Variants in XKR6 observed in about 807,000 individuals in gnomAD.
The protein encoded by XKR6 is XK-related protein 6.
XKR6 carries 22 observed loss-of-function variants against 56.7 expected under a neutral mutation model. The ratio of observed to expected loss-of-function variants is 0.39; its 90% CI spans 0.28 to 0.55. The LOEUF is 0.55. Ranked by LOEUF, XKR6 falls within the 20% of genes least tolerant of loss-of-function variation. The pLI, the probability that XKR6 is intolerant of heterozygous loss-of-function variation, is 0.66. For missense variants in XKR6, 852 were observed against 889.0 expected, an observed-to-expected ratio of 0.96 and a Z score of 0.53; for synonymous variants, 524 against 387.8, an observed-to-expected ratio of 1.35 and a Z score of -4.13.
chr8:11,072,090 G>A (rs1032503346), intron 1 of XKR6, among the ~76,000 whole-genome samples: 15 of 152,218 alleles, frequency 9.9e-5, no homozygotes, highest in African/African-American at 2.7e-4. Flanking sequence ...TGTGGTGACC[G>A]CATCTCTAGC....
intron 1 of XKR6, among the ~76,000 whole-genome samples, chr8:11,167,407 C>T (rs1802133631): frequency 6.6e-6 from 1 of 152,174 alleles, no homozygotes; most frequent in African/African-American, 2.4e-5. Flanking sequence ...GACTCCATTC[C>T]AACCTGTCAG....
chr8:11,113,845 A>C (rs775308387), intron 1 of XKR6: 6 of 176,784 alleles, frequency 3.4e-5, no homozygotes, highest in Non-Finnish European at 6.1e-5. Context: ...TAATTTAGGT[A>C]CGATATGTCA....
In XKR6 at chr8:10,954,866, C is replaced by CTTTTTTTTTTTTTTTTTTTTTTTTTTT. The variant is rs34248780; in HGVS notation, c.765-30037_765-30036insAAAAAAAAAAAAAAAAAAAAAAAAAAA. 1.4e-4 allele frequency among the ~76,000 whole-genome samples: 13 copies of CTTTTTTTTTTTTTTTTTTTTTTTTTTT among 92,792 alleles called. 2 individuals are homozygous for CTTTTTTTTTTTTTTTTTTTTTTTTTTT. The highest frequency in any genetic ancestry group is 3.3e-4 in the Admixed American group (3 of 9,182). 60.9% of individuals were successfully genotyped at this position (92,792 alleles called of 152,430 possible). Reference sequence around the variant, plus strand: ...TAAGGTAAGGGTCTAACTTCATTCTCTTTTTTTTTTTTTTTTTTTTAGACA... The same window carrying CTTTTTTTTTTTTTTTTTTTTTTTTTTT: ...TAAGGTAAGGGTCTAACTTCATTCTCTTTTTTTTTTTTTTTTTTTTTTTTTTTTTTTTTTTTTTTTTTTTTTTAGACA... On this transcript the variant is annotated intron_variant, in intron 1 of 2. Coordinates refer to ENST00000416569, the MANE Select transcript of XKR6 (RefSeq NM_173683.4).
intron 2 of XKR6, among the ~76,000 whole-genome samples, chr8:10,921,948 G>A (rs1800735542): frequency 6.6e-6 from 1 of 152,208 alleles, no homozygotes; most frequent in Non-Finnish European, 1.5e-5. Flanking sequence ...CAGGCCATAA[G>A]GACTCCTCTC....
intron 1 of XKR6, among the ~76,000 whole-genome samples, chr8:10,990,813 G>C (rs1372254370): frequency 5.9e-5 from 9 of 151,448 alleles, no homozygotes; most frequent in African/African-American, 1.5e-4. Flanking sequence ...GAACTTCTGG[G>C]CTCAAGCGAT....
intron 1 of XKR6, among the ~76,000 whole-genome samples, chr8:11,171,816 G>T (rs959459018): frequency 6.6e-6 from 1 of 151,728 alleles, no homozygotes; most frequent in Admixed American, 6.6e-5. Flanking sequence ...ACTTTGGGAG[G>T]CTGAGGTGGG....
intron 1 of XKR6, among the ~76,000 whole-genome samples, chr8:11,074,984 C>G (rs527874448): frequency 3.3e-5 from 5 of 152,170 alleles, no homozygotes; most frequent in African/African-American, 1.2e-4. Context: ...CAGACCAGGA[C>G]GCAGAGCAGA....
chr8:10,945,470 T>G (rs1455471647), intron 1 of XKR6, among the ~76,000 whole-genome samples: 1 of 152,110 alleles, frequency 6.6e-6, no homozygotes, highest in Non-Finnish European at 1.5e-5. Flanking sequence ...GACAACACAG[T>G]GAGACTCCAT....
intron 1 of XKR6, among the ~76,000 whole-genome samples, chr8:11,067,368 C>T (rs954861208): frequency 7.9e-5 from 12 of 152,170 alleles, no homozygotes; most frequent in Non-Finnish European, 1.8e-4. Flanking sequence ...GAGCCCCCCA[C>T]CCGGGTGATC....
chr8:11,190,492 TG>T (rs1803518890), intron 1 of XKR6, among the ~76,000 whole-genome samples: 1 of 151,814 alleles, frequency 6.6e-6, no homozygotes, highest in Non-Finnish European at 1.5e-5. Flanking sequence ...GAGAATGGAG[TG>T]AGGTACTGAA....
chr8:11,086,133 A>AAAAT lies in XKR6; in HGVS notation c.764+114442_764+114443insATTT, dbSNP rs1554454121. ...CTCAATTGTGTTTTTTTAAAAAGAA[A>AAAAT]ATATATATATATATATTTTTTTTTA... On this transcript the variant is annotated intron_variant, in intron 1 of 2. Coordinates refer to ENST00000416569, the MANE Select transcript of XKR6 (RefSeq NM_173683.4). Among the ~76,000 whole-genome samples the AAAAT allele has an allele frequency of 2.6e-4, 23 of 90,104 alleles. No individual in the cohort carries two copies. In the South Asian group the frequency reaches 5.8e-3, roughly 23 times the overall value. 59.1% of individuals were successfully genotyped at this position (90,104 alleles called of 152,430 possible). A position where few individuals can be genotyped will look rare whatever the true frequency, so the allele number is the denominator to read the frequency against.
At chr8:11,158,730 G>A (rs1260010263) in intron 1 of XKR6, among the ~76,000 whole-genome samples, 3 of 152,128 alleles carry the variant, frequency 2.0e-5, no homozygotes, top group African/African-American at 7.2e-5. Context: ...AGGAATGGCA[G>A]GCTTCTAAAT....
intron 1 of XKR6, among the ~76,000 whole-genome samples, chr8:10,988,775 C>T (rs1486169963): frequency 2.0e-5 from 3 of 152,202 alleles, no homozygotes; most frequent in African/African-American, 4.8e-5. Flanking sequence ...CAATTTGTCA[C>T]AGAACATAAC....
At chr8:10,948,832 C>T (rs138124952) in intron 1 of XKR6, among the ~76,000 whole-genome samples, 67 of 152,362 alleles carry the variant, frequency 4.4e-4, no homozygotes, top group African/African-American at 1.6e-3. Context: ...CCTGGGGCCT[C>T]CCTGGGAAAC....
intron 1 of XKR6, among the ~76,000 whole-genome samples, chr8:11,033,359 C>T (rs866022615): frequency 7.9e-5 from 11 of 138,768 alleles, no homozygotes; most frequent in African/African-American, 1.2e-4. Flanking sequence ...ATGATGATGA[C>T]GATAGTGATG....
rs1439777662 is a variant in XKR6 at position 11,086,150 on chromosome 8, T to TATATATATA, written c.764+114425_764+114426insTATATATAT. On this transcript the variant is annotated intron_variant, in intron 1 of 2. Transcript: ENST00000416569. ...AAAAAGAAAATATATATATATATATTTTTTTTTAAAAAAAACAAGCATAAT... is the reference window on the plus strand; with the variant it reads ...AAAAAGAAAATATATATATATATATTATATATATATTTTTTTAAAAAAAACAAGCATAAT... Among the ~76,000 whole-genome samples, 223 of 112,744 alleles carry TATATATATA rather than the reference T, an allele frequency of 2.0e-3. 1 individual carries two copies. Among genetic ancestry groups the TATATATATA allele is most frequent in the Middle Eastern group, 9.6e-3 (2 of 208 alleles). The allele number at this position is 112,744 out of a possible 152,430, so 74.0% of individuals were successfully genotyped here. A position where few individuals can be genotyped will look rare whatever the true frequency, so the allele number is the denominator to read the frequency against.
At chr8:11,123,901 C>A (rs765617937) in intron 1 of XKR6, 1 of 456,220 alleles carries the variant, frequency 2.2e-6, no homozygotes, top group African/African-American at 2.0e-5. Context: ...GACTGCCCTT[C>A]CCTCCCTCAT....
chr8:11,075,027 C>G (rs950331737), intron 1 of XKR6, among the ~76,000 whole-genome samples: 1 of 152,192 alleles, frequency 6.6e-6, no homozygotes, highest in Non-Finnish European at 1.5e-5. Context: ...GAATGGCCCA[C>G]AGGACTTGGC....
At chr8:11,034,590 A>G (rs1799090382) in intron 1 of XKR6, among the ~76,000 whole-genome samples, 1 of 152,210 alleles carries the variant, frequency 6.6e-6, no homozygotes, top group South Asian at 2.1e-4. Context: ...CATGCACCTT[A>G]GACAGGTCAG....
Sources: allele counts gnomAD v4.1 joint callset (sites outside exome capture counted in the v4.1 genomes callset), GRCh38; gene constraint gnomAD v4.1.1; transcripts MANE v1.5; gene names NCBI Gene and HGNC (gene_info 2026-07-23, HGNC 2026-07-21).